The following MLLT3 variants were observed in gnomAD, a reference collection of about 807,000 sequenced individuals.
The protein encoded by MLLT3 is MLLT3 super elongation complex subunit.
In MLLT3, 4 loss-of-function variants were observed where a neutral mutation model predicts 53.2. The observed-to-expected ratio is 0.08, with a 90% CI of 0.04 to 0.17. The LOEUF (loss-of-function observed/expected upper bound fraction) is 0.17, where lower values mean the gene tolerates loss of function less well. Ranked by LOEUF, MLLT3 falls within the 10% of genes least tolerant of loss-of-function variation. MLLT3 has a pLI of 1.00. For missense variants in MLLT3, 569 were observed against 684.0 expected (o/e 0.83, Z 1.87); for synonymous variants, 283 against 230.6 (o/e 1.23, Z -2.06).
chr9:20,496,168 A>C (rs1262882909), intron 2 of MLLT3, among the ~76,000 whole-genome samples: 1 of 152,210 alleles, frequency 6.6e-6, no homozygotes, highest in African/African-American at 2.4e-5. Flanking sequence ...ATCCCTCTAC[A>C]ATCATTGCCT....
intron 2 of MLLT3, among the ~76,000 whole-genome samples, chr9:20,571,432 A>C (rs1272497015): frequency 1.3e-5 from 2 of 152,162 alleles, no homozygotes; most frequent in African/African-American, 2.4e-5. Context: ...AATAAAAAAA[A>C]CCTGATTTTA....
intron 2 of MLLT3, among the ~76,000 whole-genome samples, chr9:20,615,057 T>C (rs1820791100): frequency 6.6e-6 from 1 of 152,006 alleles, no homozygotes; most frequent in African/African-American, 2.4e-5. Context: ...GAATGGACAG[T>C]GATAGGCCGG....
intron 2 of MLLT3, among the ~76,000 whole-genome samples, chr9:20,500,180 T>C (rs920674602): frequency 6.6e-6 from 1 of 152,214 alleles, no homozygotes. Context: ...TTGGCTGCAC[T>C]GAAATGGTGC....
intron 4 of MLLT3, among the ~76,000 whole-genome samples, chr9:20,420,909 C>T (rs1822992116): frequency 6.6e-6 from 1 of 152,092 alleles, no homozygotes; most frequent in South Asian, 2.1e-4. Flanking sequence ...GTAACATAAG[C>T]TTTAAAACAC....
intron 4 of MLLT3, among the ~76,000 whole-genome samples, chr9:20,430,167 TAC>T (rs1422073253): frequency 6.6e-6 from 1 of 152,078 alleles, no homozygotes; most frequent in Non-Finnish European, 1.5e-5. Flanking sequence ...AGCATAAAAC[TAC>T]ACAGATACTT....
At chr9:20,504,448 A>ATT (rs1480884094) in intron 2 of MLLT3, among the ~76,000 whole-genome samples, 5 of 152,088 alleles carry the variant, frequency 3.3e-5, no homozygotes, top group Admixed American at 2.6e-4. Context: ...TTTCAACAAC[A>ATT]TGAATGAACC....
At chr9:20,353,664 G>T in intron 9 of MLLT3, 68 bp from the exon 10 acceptor site, 2 of 1,318,056 alleles carry the variant, frequency 1.5e-6, no homozygotes, top group Non-Finnish European at 2.2e-6. Context: ...AAATGAATAT[G>T]TAAGTAAGAA....
chr9:20,452,304 C>G (rs1002910708), intron 3 of MLLT3, among the ~76,000 whole-genome samples: 1 of 152,140 alleles, frequency 6.6e-6, no homozygotes, highest in Non-Finnish European at 1.5e-5. Flanking sequence ...TCATGCTGTT[C>G]TCATGATAGT....
chr9:20,461,387 T>A (rs189263894), intron 2 of MLLT3, among the ~76,000 whole-genome samples: 62 of 152,218 alleles, frequency 4.1e-4, no homozygotes, highest in Admixed American at 7.2e-4. Context: ...AAGAAAATGA[T>A]CTGGCAAATT....
At chr9:20,371,016 T>C (rs1036411747) in intron 5 of MLLT3, among the ~76,000 whole-genome samples, 1 of 152,162 alleles carries the variant, frequency 6.6e-6, no homozygotes, top group African/African-American at 2.4e-5. Flanking sequence ...ATTGCTGATA[T>C]GGAGAAAGTT....
At chr9:20,415,097 T>C (rs937082163) in intron 4 of MLLT3, among the ~76,000 whole-genome samples, 1 of 152,162 alleles carries the variant, frequency 6.6e-6, no homozygotes, top group African/African-American at 2.4e-5. Flanking sequence ...GGCTTTGCAA[T>C]ATAAGGAATC....
chr9:20,573,158 T>C (rs1819573588), intron 2 of MLLT3, among the ~76,000 whole-genome samples: 1 of 148,098 alleles, frequency 6.8e-6, no homozygotes, highest in Non-Finnish European at 1.5e-5. Context: ...TTTGTTTTTG[T>C]TCCTGTTTTT....
chr9:20,607,305 T>C (rs1299723441), intron 2 of MLLT3, among the ~76,000 whole-genome samples: 1 of 152,126 alleles, frequency 6.6e-6, no homozygotes, highest in Admixed American at 6.6e-5. Context: ...ATTAACTTAC[T>C]AATAAAAGCA....
intron 2 of MLLT3, among the ~76,000 whole-genome samples, chr9:20,564,695 C>A (rs1025097407): frequency 1.3e-5 from 2 of 152,088 alleles, no homozygotes; most frequent in African/African-American, 4.8e-5. Flanking sequence ...TTTAATTCTG[C>A]CAATTAGTTC....
At chr9:20,354,950 A>T in intron 8 of MLLT3, 71 bp from the exon 9 acceptor site, 1 of 1,023,880 alleles carries the variant, frequency 9.8e-7, no homozygotes, top group Non-Finnish European at 1.5e-6. Context: ...CACCTAAACA[A>T]AGGCATCCAC....
intron 5 of MLLT3, among the ~76,000 whole-genome samples, chr9:20,381,972 T>C (rs1416335553): frequency 6.6e-6 from 1 of 151,878 alleles, no homozygotes; most frequent in African/African-American, 2.4e-5. Context: ...AAAAAATGCT[T>C]CTATTTCTTT....
At chr9:20,380,601 T>C (rs1821886371) in intron 5 of MLLT3, among the ~76,000 whole-genome samples, 1 of 152,018 alleles carries the variant, frequency 6.6e-6, no homozygotes, top group Admixed American at 6.6e-5. Flanking sequence ...TCAACACATT[T>C]AGTTGTAACC....
At chr9:20,565,920 ATT>A (rs1159789906) in intron 2 of MLLT3, among the ~76,000 whole-genome samples, 2 of 106,642 alleles carry the variant, frequency 1.9e-5, no homozygotes, top group Non-Finnish European at 3.5e-5. Flanking sequence ...ATATATATAT[ATT>A]TATATATATA....
intron 5 of MLLT3, among the ~76,000 whole-genome samples, chr9:20,384,365 T>G (rs1821977978): frequency 6.6e-6 from 1 of 152,086 alleles, no homozygotes; most frequent in South Asian, 2.1e-4. Flanking sequence ...TCTGGTCATG[T>G]GGTATATCAT....
Sources: gnomAD v4.1 joint callset for allele counts (sites outside exome capture counted in the v4.1 genomes callset) on GRCh38, gnomAD v4.1.1 for gene constraint, MANE v1.5 for transcripts, NCBI Gene and HGNC (gene_info 2026-07-23, HGNC 2026-07-21) for gene names.